ADCY2: variants seen among roughly 807,000 people sequenced by gnomAD.
The protein encoded by ADCY2 is adenylate cyclase type 2.
ADCY2 carries 31 observed loss-of-function variants against 125.2 expected under a neutral mutation model. The ratio of observed to expected loss-of-function variants is 0.25; its 90% CI spans 0.19 to 0.33. ADCY2 has a LOEUF of 0.33. Among genes scored for constraint, ADCY2 ranks in the 10% least tolerant of loss-of-function variants. The probability of loss-of-function intolerance (pLI) is 1.00; values close to 1 mark genes in which losing one functional copy is unlikely to be tolerated. For synonymous variants in ADCY2, 512 were observed against 548.4 expected (o/e 0.93, Z 0.93); for missense variants, 904 against 1,418.2 (o/e 0.64, Z 5.82).
intron 2 of ADCY2, among the ~76,000 whole-genome samples, chr5:7,496,678 T>C (rs1743356818): frequency 6.6e-6 from 1 of 152,150 alleles, no homozygotes; most frequent in Admixed American, 6.5e-5. Flanking sequence ...TTTTAGTCAT[T>C]TTTAGTATTA....
intron 2 of ADCY2, among the ~76,000 whole-genome samples, chr5:7,418,988 C>T (rs1314675366): frequency 6.6e-6 from 1 of 152,088 alleles, no homozygotes; most frequent in Non-Finnish European, 1.5e-5. Flanking sequence ...TATATGTATA[C>T]CCCTTAATTA....
chr5:7,524,527 C>T (rs1734376535), intron 3 of ADCY2, among the ~76,000 whole-genome samples: 1 of 152,208 alleles, frequency 6.6e-6, no homozygotes, highest in Non-Finnish European at 1.5e-5. Flanking sequence ...TGGCATGACA[C>T]ATGGCAATGT....
chr5:7,510,746 T>C lies in ADCY2; in HGVS notation c.409-9992T>C, dbSNP rs182823371. Among the ~76,000 whole-genome samples the C allele has an allele frequency of 2.2e-3, 328 of 152,324 alleles. 2 individuals are homozygous for C. Among genetic ancestry groups the C allele is most frequent in the African/African-American group, 7.3e-3 (304 of 41,582 alleles). ...AAGTCATGAGACCCAGGTTACCAAA[T>C]GTACAGAACATACAGTGGATGCAAA... On this transcript the variant is annotated intron_variant, in intron 2 of 24. Transcript: ENST00000338316.
intron 14 of ADCY2, among the ~76,000 whole-genome samples, chr5:7,732,924 C>A (rs1401055858): frequency 2.6e-5 from 4 of 152,124 alleles, no homozygotes; most frequent in African/African-American, 9.7e-5. Flanking sequence ...TGGTTGACTC[C>A]TCTTTTTGGA....
intron 3 of ADCY2, among the ~76,000 whole-genome samples, chr5:7,526,030 G>A (rs548805561): frequency 6.6e-6 from 1 of 152,098 alleles, no homozygotes; most frequent in South Asian, 2.1e-4. Context: ...GATACCCCTT[G>A]CGTGTGTGGC....
At chr5:7,503,018 TTGTC>T (rs1031210484) in intron 2 of ADCY2, among the ~76,000 whole-genome samples, 3 of 152,158 alleles carry the variant, frequency 2.0e-5, no homozygotes, top group Non-Finnish European at 4.4e-5. Flanking sequence ...TCGGAGCTGT[TTGTC>T]TGGTGCCTAC....
At chr5:7,419,831 C>T (rs1740122665) in intron 2 of ADCY2, among the ~76,000 whole-genome samples, 1 of 152,326 alleles carries the variant, frequency 6.6e-6, no homozygotes, top group South Asian at 2.1e-4. Context: ...AGACAGCTAG[C>T]ACGTGCATGG....
intron 2 of ADCY2, among the ~76,000 whole-genome samples, chr5:7,438,286 G>A (rs189841761): frequency 3.9e-4 from 60 of 152,324 alleles, no homozygotes; most frequent in African/African-American, 1.3e-3. Context: ...ATTATGGAGA[G>A]GCTAGGCCCT....
chr5:7,584,616 A>G (rs1216634786), intron 3 of ADCY2, among the ~76,000 whole-genome samples: 1 of 152,164 alleles, frequency 6.6e-6, no homozygotes, highest in East Asian at 1.9e-4. Flanking sequence ...CGAAGTCTTT[A>G]TGTAAAAATG....
At chr5:7,649,704 A>T (rs1336984728) in intron 4 of ADCY2, among the ~76,000 whole-genome samples, 2 of 152,122 alleles carry the variant, frequency 1.3e-5, no homozygotes, top group Non-Finnish European at 2.9e-5. Context: ...ATAACTCCAT[A>T]GCTCCTATCT....
intron 2 of ADCY2, among the ~76,000 whole-genome samples, chr5:7,499,648 GATATAT>G (rs70940741): frequency 0.23 from 26,897 of 118,132 alleles, 3,090 homozygotes; most frequent in Non-Finnish European, 0.27. Flanking sequence ...TATGTGGGTG[GATATAT>G]ATATATATAT....
In ADCY2 at chr5:7,714,677, C is replaced by T. The variant is rs560744381; in HGVS notation, c.1622+1778C>T. Among the ~76,000 whole-genome samples, 3 of 152,316 alleles carry T rather than the reference C, an allele frequency of 2.0e-5. No individual in the cohort carries two copies. The East Asian group carries it at 5.8e-4, about 29-fold the overall frequency. ...TCAGGCTTGCCTGCTTTAGTAAAGG[C>T]CTCTTCCATATTTATTCCATTTGTC... is the stretch of plus-strand genomic sequence containing the variant. On this transcript the variant is annotated intron_variant, in intron 11 of 24. Coordinates refer to ENST00000338316, the MANE Select transcript of ADCY2 (RefSeq NM_020546.3).
At chr5:7,517,898 A>G (rs1049670930) in intron 2 of ADCY2, among the ~76,000 whole-genome samples, 3 of 152,234 alleles carry the variant, frequency 2.0e-5, no homozygotes, top group African/African-American at 7.2e-5. Context: ...AGAAGCAAAT[A>G]TGTAATCATA....
chr5:7,403,037 A>G (rs1480737756), intron 1 of ADCY2, among the ~76,000 whole-genome samples: 1 of 152,294 alleles, frequency 6.6e-6, no homozygotes, highest in Non-Finnish European at 1.5e-5. Flanking sequence ...ATGCTGGGGT[A>G]TTGCAGCTAG....
chr5:7,424,429 T>A (rs1460914847), intron 2 of ADCY2, among the ~76,000 whole-genome samples: 1 of 152,268 alleles, frequency 6.6e-6, no homozygotes, highest in Non-Finnish European at 1.5e-5. Flanking sequence ...AATTTGGACT[T>A]GGCATTCTGC....
chr5:7,407,220 G>C (rs575654405), intron 1 of ADCY2, among the ~76,000 whole-genome samples: 6 of 152,224 alleles, frequency 3.9e-5, no homozygotes, highest in African/African-American at 7.2e-5. Context: ...TATCTCCACA[G>C]TTACTCAGAA....
intron 2 of ADCY2, among the ~76,000 whole-genome samples, chr5:7,447,640 G>C (rs955761103): frequency 6.6e-6 from 1 of 152,194 alleles, no homozygotes; most frequent in Non-Finnish European, 1.5e-5. Flanking sequence ...GGGAAGCCAG[G>C]GGGTCCTGCA....
chr5:7,756,757 A>G (rs1743004924), intron 15 of ADCY2, among the ~76,000 whole-genome samples: 1 of 152,224 alleles, frequency 6.6e-6, no homozygotes, highest in African/African-American at 2.4e-5. Flanking sequence ...GATGTTACAC[A>G]ACAATGTGAA....
intron 4 of ADCY2, among the ~76,000 whole-genome samples, chr5:7,679,094 G>A (rs1351648429): frequency 6.6e-6 from 1 of 152,228 alleles, no homozygotes; most frequent in Admixed American, 6.5e-5. Flanking sequence ...GAGTTCAGGA[G>A]CCATTAGCAA....
Sources: allele counts gnomAD v4.1 joint callset (sites outside exome capture counted in the v4.1 genomes callset), GRCh38; gene constraint gnomAD v4.1.1; transcripts MANE v1.5; gene names NCBI Gene and HGNC (gene_info 2026-07-23, HGNC 2026-07-21).